Variants in JAZF1 observed in about 807,000 individuals in gnomAD.
JAZF1 encodes the protein JAZF zinc finger 1, also known as juxtaposed with another zinc finger protein 1.
In JAZF1, 8 loss-of-function variants were observed where a neutral mutation model predicts 26.4. The observed-to-expected ratio is 0.30, with a 90% CI of 0.18 to 0.55. The LOEUF is 0.55. Ranked by LOEUF, JAZF1 falls within the 20% of genes least tolerant of loss-of-function variation. JAZF1 has a pLI of 0.94. For missense variants in JAZF1, 199 were observed against 322.0 expected (o/e 0.62, Z 2.92); for synonymous variants, 126 against 122.3 (o/e 1.03, Z -0.20).
chr7:28,110,615 AAAAGG>A (rs201512210), intron 1 of JAZF1, among the ~76,000 whole-genome samples: 2 of 128,468 alleles, frequency 1.6e-5, no homozygotes, highest in East Asian at 3.4e-4. Flanking sequence ...AAAGGAAAGG[AAAAGG>A]AAAGGAAAGG....
At chr7:28,171,884 G>T (rs185711686) in intron 1 of JAZF1, among the ~76,000 whole-genome samples, 1 of 152,164 alleles carries the variant, frequency 6.6e-6, no homozygotes, top group African/African-American at 2.4e-5. Context: ...CGAATTGGGA[G>T]CTCAAGGAAT....
chr7:28,101,829 TAAAC>T (rs937150481), intron 1 of JAZF1, among the ~76,000 whole-genome samples: 4 of 151,882 alleles, frequency 2.6e-5, no homozygotes, highest in African/African-American at 9.7e-5. Flanking sequence ...AACAAACAAA[TAAAC>T]AAAAACAAAT....
intron 1 of JAZF1, among the ~76,000 whole-genome samples, chr7:28,109,976 A>G (rs527967442): frequency 2.6e-5 from 4 of 152,264 alleles, no homozygotes; most frequent in Non-Finnish European, 5.9e-5. Flanking sequence ...GAAGCTGCAA[A>G]GGTTACATTA....
chr7:28,070,521 T>C (rs1452590113), intron 1 of JAZF1, among the ~76,000 whole-genome samples: 1 of 152,198 alleles, frequency 6.6e-6, no homozygotes, highest in Non-Finnish European at 1.5e-5. Context: ...TCTGCAAAAT[T>C]TTCCACCATC....
At chr7:27,993,564 T>A (rs866232129) in intron 1 of JAZF1, among the ~76,000 whole-genome samples, 2 of 152,144 alleles carry the variant, frequency 1.3e-5, no homozygotes, top group Non-Finnish European at 2.9e-5. Flanking sequence ...AGGAAAGGTG[T>A]TTTGTCCAAA....
chr7:27,990,461 G>C (rs1380467567), intron 2 of JAZF1, among the ~76,000 whole-genome samples: 1 of 151,436 alleles, frequency 6.6e-6, no homozygotes, highest in African/African-American at 2.4e-5. Flanking sequence ...TATATAATTA[G>C]TAGGTACCTG....
intron 3 of JAZF1, among the ~76,000 whole-genome samples, chr7:27,860,221 G>T (rs1366584235): frequency 6.6e-6 from 1 of 152,150 alleles, no homozygotes; most frequent in African/African-American, 2.4e-5. Context: ...CTGTTTTTGT[G>T]ATCAGAAATA....
chr7:27,909,881 T>A (rs980300959), intron 2 of JAZF1, among the ~76,000 whole-genome samples: 1 of 152,176 alleles, frequency 6.6e-6, no homozygotes, highest in Non-Finnish European at 1.5e-5. Flanking sequence ...ATATACGGAT[T>A]TTTAAAAATG....
intron 4 of JAZF1, among the ~76,000 whole-genome samples, chr7:27,837,238 G>A (rs1782832387): frequency 6.6e-6 from 1 of 152,238 alleles, no homozygotes; most frequent in Non-Finnish European, 1.5e-5. Context: ...CAAAGGTTAA[G>A]CACTTCAACC....
At chr7:27,852,263 C>G (rs759438410) in intron 3 of JAZF1, among the ~76,000 whole-genome samples, 8 of 151,954 alleles carry the variant, frequency 5.3e-5, no homozygotes, top group Non-Finnish European at 1.0e-4. Context: ...TCTTGAGTAG[C>G]TGGGATTACA....
chr7:28,033,625 A>G (rs980656313), intron 1 of JAZF1, among the ~76,000 whole-genome samples: 1 of 152,152 alleles, frequency 6.6e-6, no homozygotes, highest in African/African-American at 2.4e-5. Flanking sequence ...CTGTGTAAAT[A>G]CTATCCTTTG....
At chr7:28,071,682 T>C in intron 1 of JAZF1, 1 of 470,022 alleles carries the variant, frequency 2.1e-6, no homozygotes, top group Non-Finnish European at 4.4e-6. Flanking sequence ...TTACAGCTGA[T>C]TAAAGGGTTT....
intron 3 of JAZF1, among the ~76,000 whole-genome samples, chr7:27,875,076 G>A (rs1186810235): frequency 6.6e-6 from 1 of 152,176 alleles, no homozygotes; most frequent in African/African-American, 2.4e-5. Context: ...GGCGGTCAGT[G>A]ATTTAAGACC....
At chr7:28,102,282 A>T (rs1371543901) in intron 1 of JAZF1, among the ~76,000 whole-genome samples, 1 of 152,266 alleles carries the variant, frequency 6.6e-6, no homozygotes, top group Admixed American at 6.5e-5. Flanking sequence ...CATTTGCTAC[A>T]AAAGTGGAAA....
intron 1 of JAZF1, among the ~76,000 whole-genome samples, chr7:28,051,607 C>G (rs1783619117): frequency 6.6e-6 from 1 of 152,102 alleles, no homozygotes; most frequent in African/African-American, 2.4e-5. Flanking sequence ...ATTTTTCCAG[C>G]TCCTTCTGCA....
At position 27,886,741 on chromosome 7, in the gene JAZF1, A is replaced by T. The variant is rs116024241; in HGVS notation, c.385+8479T>A. 2.3e-3 allele frequency among the ~76,000 whole-genome samples: 343 copies of T among 152,360 alleles called. 1 individual carries two copies. The highest frequency in any genetic ancestry group is 7.7e-3 in the African/African-American group (322 of 41,586). ...TTCTAAACCACAAAGGCTATGCCTTATGCTTTTCTGTATCCCCAATACTTG... is the reference window on the plus strand; with the variant it reads ...TTCTAAACCACAAAGGCTATGCCTTTTGCTTTTCTGTATCCCCAATACTTG... On this transcript the variant is annotated intron_variant, in intron 3 of 4. Coordinates refer to ENST00000283928, the MANE Select transcript of JAZF1 (RefSeq NM_175061.4).
At chr7:27,938,354 A>T (rs1272507298) in intron 2 of JAZF1, among the ~76,000 whole-genome samples, 3 of 152,248 alleles carry the variant, frequency 2.0e-5, no homozygotes. Flanking sequence ...AACAACAAAA[A>T]CAAAACACCA....
chr7:28,072,661 C>T (rs1783994491), intron 1 of JAZF1, among the ~76,000 whole-genome samples: 1 of 152,168 alleles, frequency 6.6e-6, no homozygotes, highest in Admixed American at 6.5e-5. Flanking sequence ...CCTTCCACCA[C>T]CACCCCACCC....
chr7:28,003,407 A>T (rs1782636786), intron 1 of JAZF1, among the ~76,000 whole-genome samples: 1 of 152,152 alleles, frequency 6.6e-6, no homozygotes, highest in African/African-American at 2.4e-5. Flanking sequence ...TCGTTTTAAG[A>T]CTTTCTCCAG....
Sources: gnomAD v4.1 joint callset for allele counts (sites outside exome capture counted in the v4.1 genomes callset) on GRCh38, gnomAD v4.1.1 for gene constraint, MANE v1.5 for transcripts, NCBI Gene and HGNC (gene_info 2026-07-23, HGNC 2026-07-21) for gene names.